The following CFAP46 variants were observed in gnomAD, a reference collection of about 807,000 sequenced individuals.
CFAP46 encodes the protein cilia and flagella associated protein 46, also known as cilia- and flagella-associated protein 46.
Under a neutral mutation model 325.7 loss-of-function variants are expected in CFAP46, and 245 were observed. The ratio of observed to expected loss-of-function variants is 0.75; its 90% CI spans 0.68 to 0.84. CFAP46 has a LOEUF of 0.84. Ranked by LOEUF, CFAP46 falls within the 40% of genes least tolerant of loss-of-function variation. The pLI is 0.00. For synonymous variants in CFAP46, 1,523 were observed against 1,495.9 expected, an observed-to-expected ratio of 1.02 and a Z score of -0.42; for missense variants, 3,346 against 3,543.0, an observed-to-expected ratio of 0.94 and a Z score of 1.41.
In CFAP46 at chr10:132,810,971, A is replaced by G. The variant is rs1273523588; in HGVS notation, c.7562T>C (p.Met2521Thr). ...ARSYQSLKRH[M>T]ESVEHRRSVG... is the part of the protein sequence containing the mutation. ...GCACCTCCTGTGCTCCACGCTCTCC[A>G]TGTGCCTCTTCAAGCTCTGGTAGGA... The change falls in exon 56 of 58, where the codon ATG (methionine) becomes ACG (threonine). Residue 2521 changes from methionine to threonine, a missense_variant. Met to Thr is a moderately conservative substitution (Grantham distance 81). Coordinates refer to ENST00000368586, the MANE Select transcript of CFAP46 (RefSeq NM_001200049.3). The G allele has an allele frequency of 6.2e-7, 1 of 1,606,462 alleles. No homozygotes were observed. The highest frequency in any genetic ancestry group is 1.7e-4 in the Middle Eastern group (1 of 6,056).
chr10:132,897,638 G>GGGTTGGCA (rs1280445647), intron 24 of CFAP46, among the ~76,000 whole-genome samples: 1 of 152,056 alleles, frequency 6.6e-6, no homozygotes, highest in Non-Finnish European at 1.5e-5. Context: ...GGCCATGTGT[G>GGGTTGGCA]GGTTGGCAGG....
Position 132,880,674 on chromosome 10 carries a change from GCAGAGGACAGCAC to G in CFAP46, c.3799+174_3799+186del, listed in dbSNP as rs1849027337. Reference sequence around the variant, plus strand: ...GCACTGAGACACGTCAGGGGCCCCTGCAGAGGACAGCACTGAGACACGTCAGGGGCCCCTGCAG... The same window carrying G: ...GCACTGAGACACGTCAGGGGCCCCTGTGAGACACGTCAGGGGCCCCTGCAG... On this transcript the variant is annotated intron_variant, in intron 28 of 57. Transcript: ENST00000368586. 2.7e-5 allele frequency among the ~76,000 whole-genome samples: 4 copies of G among 148,260 alleles called. 1 individual carries two copies. Among genetic ancestry groups the G allele is most frequent in the Admixed American group, 2.0e-4 (3 of 15,020 alleles).
At chr10:132,822,011 CTGA>C (rs1210044026) in intron 50 of CFAP46, among the ~76,000 whole-genome samples, 3,482 of 104,108 alleles carry the variant, frequency 0.033, no homozygotes, top group Middle Eastern at 0.045. Flanking sequence ...GCTGTGTGTG[CTGA>C]TGTGTGCTGT....
At chr10:132,822,806 T>C (rs972368646) in intron 50 of CFAP46, among the ~76,000 whole-genome samples, 5 of 136,000 alleles carry the variant, frequency 3.7e-5, no homozygotes, top group African/African-American at 1.1e-4. Context: ...TGTGTGCTGA[T>C]GTGTGCTGTG....
intron 56 of CFAP46, 111 bp from the exon 57 acceptor site, chr10:132,810,600 T>C (rs1190921158): frequency 3.2e-6 from 3 of 952,134 alleles, no homozygotes; most frequent in Non-Finnish European, 5.1e-6. Flanking sequence ...CATAAGACGC[T>C]GGCCCGCAGC....
At chr10:132,848,339 G>T (rs2135117237) in intron 41 of CFAP46, among the ~76,000 whole-genome samples, 1 of 152,352 alleles carries the variant, frequency 6.6e-6, no homozygotes, top group South Asian at 2.1e-4. Flanking sequence ...GACAGCCAAG[G>T]CTGGTCTTTG....
At chr10:132,860,710 G>T (rs972802433) in intron 36 of CFAP46, 72 bp downstream of exon 36, 1 of 1,481,556 alleles carries the variant, frequency 6.7e-7, no homozygotes. Flanking sequence ...AGAGCCCCAT[G>T]GACGCCCTTC....
At chr10:132,888,848 GCCTGCACCTGCCA>G (rs1564791441) in intron 25 of CFAP46, among the ~76,000 whole-genome samples, 1 of 82,100 alleles carries the variant, frequency 1.2e-5, no homozygotes, top group African/African-American at 5.3e-5. Context: ...CACCCCTGCC[GCCTGCACCTGCCA>G]CCTTCACCCC....
intron 24 of CFAP46, among the ~76,000 whole-genome samples, chr10:132,895,815 T>C (rs1386685230): frequency 6.6e-6 from 1 of 152,170 alleles, no homozygotes; most frequent in Non-Finnish European, 1.5e-5. Flanking sequence ...TGACGTTAGA[T>C]AAGGTCACGA....
chr10:132,878,120 G>A (rs1481728465), intron 29 of CFAP46, 33 bp from the exon 30 acceptor site: 2 of 1,544,668 alleles, frequency 1.3e-6, no homozygotes, highest in African/African-American at 2.7e-5. Context: ...TTGCAGCACT[G>A]AAAACCCACC....
At position 132,915,044 on chromosome 10, in the gene CFAP46, A is replaced by G. The variant is rs552432179; in HGVS notation, c.2120+1505T>C. Among the ~76,000 whole-genome samples, 4 of 152,230 alleles carry G rather than the reference A, an allele frequency of 2.6e-5. No individual in the cohort carries two copies. In the East Asian group the frequency reaches 7.7e-4, roughly 29 times the overall value. Reference sequence around the variant, plus strand: ...GTGGACAGGGTCTGTCCGTCCCGCTAGACCAGGCTGGGCAAACTTTTTCTA... The same window carrying G: ...GTGGACAGGGTCTGTCCGTCCCGCTGGACCAGGCTGGGCAAACTTTTTCTA... On this transcript the variant is annotated intron_variant, in intron 17 of 57. Transcript: ENST00000368586.
intron 53 of CFAP46, 35 bp from the exon 54 acceptor site, chr10:132,814,289 G>A: frequency 6.5e-7 from 1 of 1,548,252 alleles, no homozygotes; most frequent in Non-Finnish European, 8.9e-7. Context: ...AGACCACGGT[G>A]TTTCATCAGA....
intron 24 of CFAP46, among the ~76,000 whole-genome samples, chr10:132,892,969 A>C (rs1849274640): frequency 6.6e-6 from 1 of 152,188 alleles, no homozygotes; most frequent in Admixed American, 6.5e-5. Context: ...TCTCTAAAAT[A>C]ATAACTGGTC....
In CFAP46 at chr10:132,826,002, C is replaced by A. The variant is rs1240543381; in HGVS notation, c.7117+7356G>T. Among the ~76,000 whole-genome samples, 3 of 147,802 alleles carry A rather than the reference C, an allele frequency of 2.0e-5. No individual in the cohort carries two copies. In the East Asian group the frequency reaches 6.1e-4, roughly 30 times the overall value. ...CAGGCAGGAACCAGAGCCACAGAGA[C>A]CAGCCACGGAGCCAGGCAGGAGCCG... On this transcript the variant is annotated intron_variant, in intron 50 of 57. Transcript: ENST00000368586.
rs1849579783 is a variant in CFAP46, at chr10:132,913,123, G to C, written c.2256C>G (p.Ile752Met). The change falls in exon 18 of 58, where the codon ATC (isoleucine) becomes ATG (methionine). Residue 752 changes from isoleucine to methionine, a missense_variant. Transcript: ENST00000368586. ...CCAGCTCCTTCTGCCGCCCGGCCAG[G>C]ATCAGGTGGTGGTTGTGGTTCAGGA... ...VYVLNHNHHL[I>M]LAGRQKELVD... is the part of the protein sequence containing the mutation. 1.3e-5 allele frequency: 20 copies of C among 1,550,424 alleles called. No individual in the cohort carries two copies. Among genetic ancestry groups the C allele is most frequent in the Non-Finnish European group, 1.7e-5 (20 of 1,146,998 alleles).
chr10:132,826,617 G>A (rs1200740955), intron 50 of CFAP46, among the ~76,000 whole-genome samples: 3 of 122,994 alleles, frequency 2.4e-5, no homozygotes, highest in Non-Finnish European at 3.4e-5. Flanking sequence ...GACCAGCCAC[G>A]GAGCCAGGCA....
chr10:132,919,639 C>T lies in CFAP46; in HGVS notation c.1731-197G>A, dbSNP rs1849691226. Among the ~76,000 whole-genome samples the T allele has an allele frequency of 6.6e-6, 1 of 152,140 alleles. No homozygotes were observed. The highest frequency in any genetic ancestry group is 6.5e-5 in the Admixed American group (1 of 15,290). Reference sequence around the variant, plus strand: ...GGTCGGGCGCAGCTCTCCGCTCTCCCTGCCAGCCAGCTGTGCGCGGCACCT... The same window carrying T: ...GGTCGGGCGCAGCTCTCCGCTCTCCTTGCCAGCCAGCTGTGCGCGGCACCT... On this transcript the variant is annotated intron_variant, in intron 14 of 57. Coordinates refer to ENST00000368586, the MANE Select transcript of CFAP46 (RefSeq NM_001200049.3). The surrounding 1 kb of genome is among the most constrained non-coding windows in gnomAD (Gnocchi z 9.7).
At chr10:132,916,046 G>A (rs1849632582) in intron 17 of CFAP46, among the ~76,000 whole-genome samples, 1 of 152,230 alleles carries the variant, frequency 6.6e-6, no homozygotes, top group Non-Finnish European at 1.5e-5. Flanking sequence ...AATCCTGTGA[G>A]ATGTTCTGTA....
chr10:132,935,974 A>C (rs1245765250), intron 7 of CFAP46, among the ~76,000 whole-genome samples: 1 of 55,116 alleles, frequency 1.8e-5, no homozygotes. Flanking sequence ...CACTCCCCTC[A>C]CATCCAAACA....
Sources: allele counts gnomAD v4.1 joint callset (sites outside exome capture counted in the v4.1 genomes callset), GRCh38; gene constraint gnomAD v4.1.1; non-coding constraint Gnocchi (gnomAD v3.1); transcripts MANE v1.5; gene names NCBI Gene and HGNC (gene_info 2026-07-23, HGNC 2026-07-21).